The following COL4A3 variants were observed in gnomAD, a reference collection of about 807,000 sequenced individuals.
COL4A3 encodes the protein collagen alpha-3(IV) chain.
Under a neutral mutation model 217.4 loss-of-function variants are expected in COL4A3, and 135 were observed. The observed-to-expected ratio is 0.62, with a 90% CI of 0.54 to 0.72. The LOEUF is 0.72. Among genes scored for constraint, COL4A3 ranks in the 30% least tolerant of loss-of-function variants. COL4A3 has a pLI of 0.00. For synonymous variants in COL4A3, 690 were observed against 736.3 expected, an observed-to-expected ratio of 0.94 and a Z score of 1.02; for missense variants, 1,868 against 2,119.9, an observed-to-expected ratio of 0.88 and a Z score of 2.33.
At position 227,290,901 on chromosome 2, in the gene COL4A3, GA is replaced by G. The variant is rs1379265163; in HGVS notation, c.3210+18del. 1 of 1,606,860 alleles carries G rather than the reference GA, an allele frequency of 6.2e-7. No homozygotes were observed. The highest frequency in any genetic ancestry group is 1.7e-5 in the Admixed American group (1 of 59,430). ...CGGGACCAACGGTATATAGGCCACTGAAATATTTACATTTTAGTGGTGGAGT... is the reference window on the plus strand; with the variant it reads ...CGGGACCAACGGTATATAGGCCACTGAATATTTACATTTTAGTGGTGGAGT... On this transcript the variant is annotated intron_variant, in intron 37 of 51. Transcript: ENST00000396578.
Position 227,307,792 on chromosome 2 carries a change from CTT to C in COL4A3, c.4337_4338del (p.Phe1446CysfsTer63), listed in dbSNP as rs776244020. On this transcript the variant is annotated frameshift_variant, in exon 48 of 52. Coordinates refer to ENST00000396578, the MANE Select transcript of COL4A3 (RefSeq NM_000091.5). LOFTEE classifies it high-confidence loss of function. ...CACCTGCAACCTGGACAACGAGAGG[CTT>C]TGTCTTCACCCGACACAGTCAAACC... The part of the protein sequence containing the change: ...GSPATWTTRG[F>X]VFTRHSQTTA... 2.5e-6 allele frequency: 4 copies of C among 1,614,172 alleles called. No individual in the cohort carries two copies. The Admixed American group carries it at 6.7e-5, about 27-fold the overall frequency.
At position 227,296,648 on chromosome 2, in the gene COL4A3, T is replaced by C. The variant is rs560125780; in HGVS notation, c.3566-1026T>C. ...CAAGCCATCTTGGTACTTCAGGTCA[T>C]TGCCATGCAAATACAGTATTACAAA... On this transcript the variant is annotated intron_variant, in intron 41 of 51. Coordinates refer to ENST00000396578, the MANE Select transcript of COL4A3 (RefSeq NM_000091.5). 60 of 303,614 alleles carry C rather than the reference T, an allele frequency of 2.0e-4. No individual in the cohort carries two copies. The South Asian group carries it at 7.1e-3, about 36-fold the overall frequency. 18.8% of individuals were successfully genotyped at this position (303,614 alleles called of 1,614,324 possible).
In COL4A3 at chr2:227,250,722, A is replaced by T. The variant is rs971654859; in HGVS notation, c.547-418A>T. Among the ~76,000 whole-genome samples the T allele has an allele frequency of 3.3e-5, 5 of 152,316 alleles. No homozygotes were observed. The highest frequency in any genetic ancestry group is 1.2e-4 in the African/African-American group (5 of 41,576). The stretch of plus-strand genomic sequence containing the variant: ...GCTTTATGGAAAGGATGACAATTGC[A>T]TAAAGACAAGAAAAGGAAAAGGGAG... On this transcript the variant is annotated intron_variant, in intron 9 of 51. Transcript: ENST00000396578. The surrounding 1 kb of genome is among the most constrained non-coding windows in gnomAD (Gnocchi z 4.1).
At chr2:227,213,942 C>T (rs1032649983) in intron 1 of COL4A3, among the ~76,000 whole-genome samples, 4 of 149,830 alleles carry the variant, frequency 2.7e-5, no homozygotes, top group Non-Finnish European at 4.4e-5. Context: ...GAAAAAACAC[C>T]GTACATATAA....
Position 227,307,715 on chromosome 2 carries a change from G to A in COL4A3, c.4258G>A (p.Ala1420Thr). 6.2e-7 allele frequency: 1 copy of A among 1,613,966 alleles called. No homozygotes were observed. The highest frequency in any genetic ancestry group is 8.5e-7 in the Non-Finnish European group (1 of 1,179,870). The change falls in exon 48 of 52, where the codon GCT becomes ACT. Residue 1420 changes from alanine to threonine, a missense_variant. Ala to Thr is a moderately conservative substitution (Grantham distance 58). Around this residue, in one of 2 missense-constraint regions of COL4A3, gnomAD observed 1,503 missense variants for 1,786.1 expected, o/e 0.84. Coordinates refer to ENST00000396578, the MANE Select transcript of COL4A3 (RefSeq NM_000091.5). Reference protein sequence around the residue: ...NKGSKGEPGPAGSDGLPGLKG... With the variant: ...NKGSKGEPGPTGSDGLPGLKG... ...TTAGAATGTGTTTTTTGAAGGACCA[G>A]CTGGATCAGATGGATTGCCAGGTTT...
chr2:227,280,464 G>A lies in COL4A3; in HGVS notation c.2248G>A (p.Gly750Arg), dbSNP rs2071885487. Residue 750 changes from glycine to arginine, a missense_variant, in exon 30 of 52, where the codon GGA becomes AGA. By Grantham distance (125) the Gly-to-Arg change is moderately radical. Around this residue, in one of 2 missense-constraint regions of COL4A3, gnomAD observed 1,503 missense variants for 1,786.1 expected, o/e 0.84. Transcript: ENST00000396578. ...AKGEPAVAMP[G>R]GPGTPGFPGE... Reference sequence around the variant, plus strand: ...GGGAGAACCAGCAGTAGCCATGCCTGGAGGACCAGGAACACCAGGTTTTCC... The same window carrying A: ...GGGAGAACCAGCAGTAGCCATGCCTAGAGGACCAGGAACACCAGGTTTTCC... 6.2e-7 allele frequency: 1 copy of A among 1,614,144 alleles called. No homozygotes were observed. Among genetic ancestry groups the A allele is most frequent in the Non-Finnish European group, 8.5e-7 (1 of 1,180,022 alleles).
chr2:227,295,708 G>A (rs539814412), intron 41 of COL4A3, among the ~76,000 whole-genome samples: 1 of 152,228 alleles, frequency 6.6e-6, no homozygotes, highest in African/African-American at 2.4e-5. Context: ...TTTCCCACCT[G>A]TATCTTCATA....
At position 227,164,689 on chromosome 2, in the gene COL4A3, G is replaced by A. The variant is rs1232118486; in HGVS notation, c.-38G>A. ...GACGCGGTGGCCTGAGAGCCTGAGG[G>A]TCCCCGGACTCGCCCAGGCTCTGAG... On this transcript the variant is annotated 5_prime_UTR_variant, in exon 1 of 52. Coordinates refer to ENST00000396578, the MANE Select transcript of COL4A3 (RefSeq NM_000091.5). This position sits in a 1 kb window ranked among gnomAD's most constrained non-coding sequence, Gnocchi z 4.8. 28 of 1,529,952 alleles carry A rather than the reference G, an allele frequency of 1.8e-5. No individual in the cohort carries two copies. In the East Asian group the frequency reaches 6.9e-4, roughly 38 times the overall value. 94.8% of individuals were successfully genotyped at this position (1,529,952 alleles called of 1,614,324 possible).
In COL4A3 at chr2:227,253,980, T is replaced by G. The variant is rs180781098; in HGVS notation, c.766-132T>G. The G allele has an allele frequency of 0.01, 8,560 of 845,660 alleles. 86 individuals carry two copies. The highest frequency in any genetic ancestry group is 0.011 in the Non-Finnish European group (5,614 of 494,680). The allele number at this position is 845,660 out of a possible 1,614,324, so 52.4% of individuals were successfully genotyped here. A position where few individuals can be genotyped will look rare whatever the true frequency, so the allele number is the denominator to read the frequency against. On this transcript the variant is annotated intron_variant, in intron 13 of 51. Coordinates refer to ENST00000396578, the MANE Select transcript of COL4A3 (RefSeq NM_000091.5). The surrounding 1 kb of genome is among the most constrained non-coding windows in gnomAD (Gnocchi z 4.4). ...TGTGAGAAATGGAAGGTGTATTGGG[T>G]TGTGTTAACACGAGGCACATTCATA...
rs574904111 is a variant in COL4A3, at chr2:227,203,577, GTA to G, written c.88-34385_88-34384del. ...TATGTGTATATATACATATATGTGT[GTA>G]TATATGTGTATATATACATATATGT... is the stretch of plus-strand genomic sequence containing the variant. On this transcript the variant is annotated intron_variant, in intron 1 of 51. Coordinates refer to ENST00000396578, the MANE Select transcript of COL4A3 (RefSeq NM_000091.5). 4.3e-4 allele frequency among the ~76,000 whole-genome samples: 2 copies of G among 4,696 alleles called. 1 individual carries two copies. The highest frequency in any genetic ancestry group is 6.7e-4 in the Non-Finnish European group (2 of 3,000). 3.1% of individuals were successfully genotyped at this position (4,696 alleles called of 152,430 possible).
chr2:227,293,751 G>A (rs1318554577), intron 38 of COL4A3: 1 of 470,626 alleles, frequency 2.1e-6, no homozygotes, highest in East Asian at 7.0e-5. Flanking sequence ...AGTTCCAGCA[G>A]CTCCGAGTCT....
At chr2:227,289,429 A>C (rs1383861912) in intron 35 of COL4A3, among the ~76,000 whole-genome samples, 181 bp downstream of exon 35, 1 of 152,202 alleles carries the variant, frequency 6.6e-6, no homozygotes, top group Non-Finnish European at 1.5e-5. Context: ...TCATTAACTA[A>C]CATACATTAA....
intron 26 of COL4A3, among the ~76,000 whole-genome samples, chr2:227,273,427 C>A (rs2071363736): frequency 6.6e-6 from 1 of 152,086 alleles, no homozygotes; most frequent in Non-Finnish European, 1.5e-5. Flanking sequence ...TTTCTAGAGA[C>A]AGGGTCTCAC....
Position 227,269,984 on chromosome 2 carries a change from A to G in COL4A3, c.1575+4A>G. ...TACAGGTCTTCCAGGATTTCCAGTAAGATTTCATGTTTTTAAATCTTTAGC... is the reference window on the plus strand; with the variant it reads ...TACAGGTCTTCCAGGATTTCCAGTAGGATTTCATGTTTTTAAATCTTTAGC... On this transcript the variant is annotated splice_donor_region_variant and intron_variant, in intron 24 of 51. Transcript: ENST00000396578. 2.5e-6 allele frequency: 4 copies of G among 1,612,748 alleles called. No homozygotes were observed. Among genetic ancestry groups the G allele is most frequent in the Non-Finnish European group, 3.4e-6 (4 of 1,178,970 alleles).
At chr2:227,238,988 T>G (rs114924629) in intron 2 of COL4A3, among the ~76,000 whole-genome samples, 1 of 152,314 alleles carries the variant, frequency 6.6e-6, no homozygotes, top group African/African-American at 2.4e-5. Context: ...TTCTTTTATT[T>G]CTCTTCTTGT....
chr2:227,287,128 A>G lies in COL4A3; in HGVS notation c.2882-2022A>G, dbSNP rs143647488. Among the ~76,000 whole-genome samples the G allele has an allele frequency of 1.9e-3, 284 of 152,246 alleles. 2 individuals carry two copies. In the East Asian group the frequency reaches 0.049, roughly 26 times the overall value. The stretch of plus-strand genomic sequence containing the variant: ...ATATTCTTCTTTGCTTTTGTTTTTA[A>G]CAACCTTTTAAAAATGTAAAAACCG... On this transcript the variant is annotated intron_variant, in intron 34 of 51. Coordinates refer to ENST00000396578, the MANE Select transcript of COL4A3 (RefSeq NM_000091.5).
At chr2:227,172,570 TTCG>T (rs2065523628) in intron 1 of COL4A3, among the ~76,000 whole-genome samples, 1 of 148,044 alleles carries the variant, frequency 6.8e-6, no homozygotes, top group Non-Finnish European at 1.5e-5. Flanking sequence ...TTCTTCTTTC[TTCG>T]TCTTCTTCTT....
intron 28 of COL4A3, 24 bp from the exon 29 acceptor site, chr2:227,279,769 A>G: frequency 6.7e-7 from 1 of 1,500,696 alleles, no homozygotes; most frequent in Non-Finnish European, 9.2e-7. Context: ...TCCTACAACA[A>G]TGTTTATTGT....
Position 227,280,539 on chromosome 2 carries a change from C to G in COL4A3, c.2323C>G (p.Leu775Val). ...GEHGEIGLPG[L>V]PGLPGTPGNE... The stretch of plus-strand genomic sequence containing the variant: ...ACATGGAGAAATTGGACTCCCTGGA[C>G]TTCCAGGTCTCCCTGGAACTCCAGG... Residue 775 changes from leucine (L) to valine (V), a missense_variant, in exon 30 of 52, where the codon CTT (leucine) becomes GTT (valine). By Grantham distance (32) the Leu-to-Val change is conservative. Transcript: ENST00000396578. 6.2e-7 allele frequency: 1 copy of G among 1,613,864 alleles called. No homozygotes were observed. The highest frequency in any genetic ancestry group is 1.7e-4 in the Middle Eastern group (1 of 6,060).
Sources: gnomAD v4.1 joint callset for allele counts (sites outside exome capture counted in the v4.1 genomes callset) on GRCh38, gnomAD v4.1.1 for gene constraint, gnomAD v4.1.1 regional missense constraint, Gnocchi (gnomAD v3.1) non-coding constraint, MANE v1.5 for transcripts, NCBI Gene and HGNC (gene_info 2026-07-23, HGNC 2026-07-21) for gene names.